Variants in SIPA1L1 observed in about 807,000 individuals in gnomAD.
SIPA1L1 encodes signal induced proliferation associated 1 like 1.
Under a neutral mutation model 162.7 loss-of-function variants are expected in SIPA1L1, and 26 were observed. The observed-to-expected ratio is 0.16, with a 90% CI of 0.12 to 0.22. The LOEUF is 0.22. SIPA1L1 is among the 10% of genes least tolerant of loss of function. The pLI, the probability that SIPA1L1 is intolerant of heterozygous loss-of-function variation, is 1.00. For synonymous variants in SIPA1L1, 829 were observed against 837.4 expected, an observed-to-expected ratio of 0.99 and a Z score of 0.17; for missense variants, 1,874 against 2,241.0, an observed-to-expected ratio of 0.84 and a Z score of 3.31.
At chr14:71,595,356 C>T (rs527296260) in intron 5 of SIPA1L1, among the ~76,000 whole-genome samples, 67 of 152,240 alleles carry the variant, frequency 4.4e-4, no homozygotes, top group South Asian at 1.0e-3. Context: ...AAGTTGAAAC[C>T]GGTAGCTACC....
At chr14:71,498,649 T>G (rs1484382789) in intron 2 of SIPA1L1, among the ~76,000 whole-genome samples, 1 of 152,216 alleles carries the variant, frequency 6.6e-6, no homozygotes, top group African/African-American at 2.4e-5. Context: ...GCAGTACATA[T>G]TCTACTATTT....
At chr14:71,399,098 G>A (rs1161723860) in intron 2 of SIPA1L1, among the ~76,000 whole-genome samples, 1 of 152,186 alleles carries the variant, frequency 6.6e-6, no homozygotes, top group Non-Finnish European at 1.5e-5. Flanking sequence ...GAAACACACA[G>A]CTGAAATGAT....
chr14:71,600,279 A>G (rs903959984), intron 5 of SIPA1L1, among the ~76,000 whole-genome samples: 4 of 152,072 alleles, frequency 2.6e-5, no homozygotes, highest in Admixed American at 2.0e-4. Context: ...ATCCATCTTC[A>G]GTTGATTTTG....
intron 2 of SIPA1L1, among the ~76,000 whole-genome samples, chr14:71,370,948 A>G (rs1321802778): frequency 6.6e-6 from 1 of 152,204 alleles, no homozygotes; most frequent in Non-Finnish European, 1.5e-5. Context: ...GAAAGTACTT[A>G]TAATAAAAGT....
intron 5 of SIPA1L1, among the ~76,000 whole-genome samples, chr14:71,596,950 A>T (rs966059015): frequency 1.2e-4 from 19 of 152,024 alleles, no homozygotes; most frequent in Admixed American, 6.6e-5. Flanking sequence ...TTTAGCAGTC[A>T]TATTTTTAAT....
intron 17 of SIPA1L1, among the ~76,000 whole-genome samples, chr14:71,713,880 GT>G (rs917228611): frequency 4.6e-4 from 66 of 144,562 alleles, no homozygotes; most frequent in South Asian, 2.7e-3. Flanking sequence ...GCCTGGAAAT[GT>G]TTTTTTTTTT....
At chr14:71,581,100 T>C (rs535695172) in intron 4 of SIPA1L1, among the ~76,000 whole-genome samples, 3 of 152,340 alleles carry the variant, frequency 2.0e-5, no homozygotes, top group East Asian at 1.9e-4. Flanking sequence ...GGATGCATGA[T>C]ATAAAATGTT....
At chr14:71,545,735 T>C (rs577870360) in intron 4 of SIPA1L1, among the ~76,000 whole-genome samples, 12 of 152,294 alleles carry the variant, frequency 7.9e-5, no homozygotes, top group African/African-American at 2.9e-4. Context: ...GAGTGCTAAG[T>C]AGGAGTAGTG....
intron 7 of SIPA1L1, among the ~76,000 whole-genome samples, chr14:71,648,022 G>A (rs888164994): frequency 3.9e-5 from 6 of 152,186 alleles, no homozygotes; most frequent in African/African-American, 1.4e-4. Flanking sequence ...AGGCACAGTG[G>A]CTCATGCCTG....
chr14:71,671,940 T>TGC (rs1250298197), intron 11 of SIPA1L1, among the ~76,000 whole-genome samples: 5 of 136,872 alleles, frequency 3.7e-5, no homozygotes, highest in African/African-American at 1.1e-4. Flanking sequence ...TGTGTGTGTG[T>TGC]GTGCGTTCAT....
chr14:71,711,295 G>C (rs991015581), intron 17 of SIPA1L1, among the ~76,000 whole-genome samples: 5 of 152,228 alleles, frequency 3.3e-5, no homozygotes, highest in African/African-American at 1.2e-4. Flanking sequence ...GGCATCAGAT[G>C]CCATAACCAT....
chr14:71,667,747 T>A lies in SIPA1L1; in HGVS notation c.2256-3372T>A, dbSNP rs2044154520. ...AGTTCAAATGTCTTATATTTCTCAA[T>A]TTTTATCCACTAAACTGTTCAGAAG... On this transcript the variant is annotated intron_variant, in intron 10 of 23. Coordinates refer to ENST00000381232, the MANE Select transcript of SIPA1L1 (RefSeq NM_001386936.1). Among the ~76,000 whole-genome samples the A allele has an allele frequency of 7.9e-5, 12 of 152,198 alleles. No individual in the cohort carries two copies. In the South Asian group the frequency reaches 2.5e-3, roughly 31 times the overall value.
chr14:71,687,245 C>T (rs1032978821), intron 13 of SIPA1L1, among the ~76,000 whole-genome samples: 5 of 152,172 alleles, frequency 3.3e-5, no homozygotes, highest in East Asian at 1.9e-4. Context: ...CCATAGTGGC[C>T]CCATTACCAT....
intron 5 of SIPA1L1, among the ~76,000 whole-genome samples, chr14:71,590,449 T>C (rs932003955): frequency 3.9e-5 from 6 of 152,134 alleles, no homozygotes; most frequent in African/African-American, 1.4e-4. Context: ...TTAAAATTAT[T>C]GAATGGTATT....
intron 12 of SIPA1L1, among the ~76,000 whole-genome samples, chr14:71,677,921 T>C (rs1003243742): frequency 1.3e-5 from 2 of 152,218 alleles, no homozygotes; most frequent in Admixed American, 6.5e-5. Context: ...GCCTCCAGCT[T>C]TGTTCTTTTT....
chr14:71,624,169 A>C lies in SIPA1L1; in HGVS notation c.1751A>C (p.Gln584Pro). ...CACGTGGTTCCTGAGCTCAATGTCCAGTGCCTGCGGTTGGCCTTCAACACA... is the reference window on the plus strand; with the variant it reads ...CACGTGGTTCCTGAGCTCAATGTCCCGTGCCTGCGGTTGGCCTTCAACACA... Reference protein sequence around the residue: ...LEHVVPELNVQCLRLAFNTPK... With the variant: ...LEHVVPELNVPCLRLAFNTPK... The change falls in exon 7 of 24, where the codon CAG becomes CCG. Residue 584 changes from glutamine to proline, a missense_variant. Physicochemically the swap from Gln to Pro is moderately conservative, Grantham distance 76. Around this residue, in one of 5 missense-constraint regions of SIPA1L1, gnomAD observed 685 missense variants for 828.0 expected, o/e 0.83. Coordinates refer to ENST00000381232, the MANE Select transcript of SIPA1L1 (RefSeq NM_001386936.1). 3 of 1,614,192 alleles carry C rather than the reference A, an allele frequency of 1.9e-6. No individual in the cohort carries two copies. In the East Asian group the frequency reaches 6.7e-5, roughly 36 times the overall value.
At chr14:71,714,583 CT>C (rs1301161412) in intron 17 of SIPA1L1, among the ~76,000 whole-genome samples, 1 of 74,862 alleles carries the variant, frequency 1.3e-5, no homozygotes, top group African/African-American at 1.4e-4. Flanking sequence ...CAGCTTTTCT[CT>C]CTTTTTTTTT....
chr14:71,716,141 C>CTTGT (rs3052304), intron 17 of SIPA1L1, among the ~76,000 whole-genome samples: 106,665 of 151,704 alleles, frequency 0.7, 39,540 homozygotes, highest in East Asian at 0.95. Flanking sequence ...CCCTACTTCA[C>CTTGT]TTGTTTTCCC....
intron 2 of SIPA1L1, among the ~76,000 whole-genome samples, chr14:71,506,915 C>T (rs945850049): frequency 4.6e-5 from 7 of 151,606 alleles, no homozygotes; most frequent in African/African-American, 1.7e-4. Context: ...CCACCCACCT[C>T]TGCCTCCCAC....
Sources: allele counts gnomAD v4.1 joint callset (sites outside exome capture counted in the v4.1 genomes callset), GRCh38; gene constraint gnomAD v4.1.1; regional missense constraint gnomAD v4.1.1; transcripts MANE v1.5; gene names NCBI Gene and HGNC (gene_info 2026-07-23, HGNC 2026-07-21).